The following EXOC6B variants were observed in gnomAD, a reference collection of about 807,000 sequenced individuals.
EXOC6B encodes the protein SEC15 homolog B.
In EXOC6B, 54 loss-of-function variants were observed where a neutral mutation model predicts 113.5. The ratio of observed to expected loss-of-function variants is 0.48; its 90% CI spans 0.38 to 0.60. The LOEUF (loss-of-function observed/expected upper bound fraction) is 0.60, where lower values mean the gene tolerates loss of function less well. Ranked by LOEUF, EXOC6B falls within the 20% of genes least tolerant of loss-of-function variation. The pLI is 0.00. For synonymous variants in EXOC6B, 357 were observed against 339.0 expected, an observed-to-expected ratio of 1.05 and a Z score of -0.58; for missense variants, 797 against 977.5, an observed-to-expected ratio of 0.82 and a Z score of 2.46.
Position 72,721,364 on chromosome 2 carries a change from TAAAAAAAAAAAA to T in EXOC6B, c.465-3069_465-3058del, listed in dbSNP as rs11408155. Among the ~76,000 whole-genome samples, 31 of 28,498 alleles carry T rather than the reference TAAAAAAAAAAAA, an allele frequency of 1.1e-3. 1 individual carries two copies. The highest frequency in any genetic ancestry group is 0.033 in the Middle Eastern group (1 of 30). 18.7% of individuals were successfully genotyped at this position (28,498 alleles called of 152,430 possible). A position where few individuals can be genotyped will look rare whatever the true frequency, so the allele number is the denominator to read the frequency against. ...GGTTAATAAACTTGAGTTGTTTTTGTAAAAAAAAAAAAAAAAAAAAAAAATGAACAAAGAAAA... is the reference window on the plus strand; with the variant it reads ...GGTTAATAAACTTGAGTTGTTTTTGTAAAAAAAAAAAATGAACAAAGAAAA... On this transcript the variant is annotated intron_variant, in intron 5 of 21. Coordinates refer to ENST00000272427, the MANE Select transcript of EXOC6B (RefSeq NM_015189.3).
chr2:72,461,011 T>C (rs1238951324), intron 18 of EXOC6B, among the ~76,000 whole-genome samples: 1 of 151,664 alleles, frequency 6.6e-6, no homozygotes, highest in Non-Finnish European at 1.5e-5. Context: ...ATATACACCA[T>C]AGAATACTAT....
At chr2:72,261,377 AG>A (rs1350386209) in intron 20 of EXOC6B, among the ~76,000 whole-genome samples, 2 of 152,208 alleles carry the variant, frequency 1.3e-5, no homozygotes, top group Admixed American at 6.5e-5. Flanking sequence ...TTTAAAGAAA[AG>A]TTTGTTTAAA....
At chr2:72,806,400 G>T (rs559158268) in intron 1 of EXOC6B, among the ~76,000 whole-genome samples, 1 of 152,276 alleles carries the variant, frequency 6.6e-6, no homozygotes, top group South Asian at 2.1e-4. Flanking sequence ...TGGTGTACAT[G>T]TACCACCTTT....
chr2:72,619,244 A>G (rs182488181), intron 6 of EXOC6B, among the ~76,000 whole-genome samples: 96 of 152,240 alleles, frequency 6.3e-4, no homozygotes, highest in Admixed American at 1.6e-3. Context: ...ACCAACATAG[A>G]TCACATCTTC....
intron 1 of EXOC6B, among the ~76,000 whole-genome samples, chr2:72,762,321 G>A (rs1682791992): frequency 6.7e-6 from 1 of 149,334 alleles, no homozygotes; most frequent in Non-Finnish European, 1.5e-5. Flanking sequence ...ACACTTAGGT[G>A]ATATAGCATG....
intron 18 of EXOC6B, among the ~76,000 whole-genome samples, chr2:72,422,744 C>T (rs1694971290): frequency 6.6e-6 from 1 of 152,148 alleles, no homozygotes; most frequent in Admixed American, 6.5e-5. Flanking sequence ...TTTGTGAGTG[C>T]ACCAATCGAC....
chr2:72,456,917 G>GT (rs1558685118), intron 18 of EXOC6B, among the ~76,000 whole-genome samples: 1 of 151,922 alleles, frequency 6.6e-6, no homozygotes, highest in African/African-American at 2.4e-5. Context: ...CTCATAGAAG[G>GT]TGTGGTCCTT....
chr2:72,497,777 C>CAATAGGTCTTGCA (rs1374251335), intron 13 of EXOC6B, among the ~76,000 whole-genome samples: 5 of 152,040 alleles, frequency 3.3e-5, no homozygotes, highest in Non-Finnish European at 7.4e-5. Flanking sequence ...CAATAGGCAG[C>CAATAGGTCTTGCA]ATAATCACTT....
chr2:72,260,932 C>A lies in EXOC6B; in HGVS notation c.2196+74015G>T, dbSNP rs142202183. On this transcript the variant is annotated intron_variant, in intron 20 of 21. Transcript: ENST00000272427. ...TAGAACAACTATAATTCTGGTTACTCTGCATGTGTCTGTTGCATGACATCT... is the reference window on the plus strand; with the variant it reads ...TAGAACAACTATAATTCTGGTTACTATGCATGTGTCTGTTGCATGACATCT... Among the ~76,000 whole-genome samples the A allele has an allele frequency of 5.3e-3, 813 of 152,278 alleles. 20 individuals carry two copies. Among genetic ancestry groups the A allele is most frequent in the Admixed American group, 0.048 (736 of 15,282 alleles).
chr2:72,716,552 A>G (rs969229814), intron 6 of EXOC6B, among the ~76,000 whole-genome samples: 1 of 152,186 alleles, frequency 6.6e-6, no homozygotes, highest in Admixed American at 6.5e-5. Flanking sequence ...CTGGATTCAC[A>G]AAAGATTTCT....
chr2:72,283,072 T>C (rs1193478995), intron 20 of EXOC6B, among the ~76,000 whole-genome samples: 1 of 152,172 alleles, frequency 6.6e-6, no homozygotes, highest in Non-Finnish European at 1.5e-5. Context: ...AATTGATGTC[T>C]ATAGAACACT....
At chr2:72,540,351 A>G (rs1174812885) in intron 8 of EXOC6B, among the ~76,000 whole-genome samples, 1 of 152,186 alleles carries the variant, frequency 6.6e-6, no homozygotes, top group Non-Finnish European at 1.5e-5. Context: ...AATTATAAGG[A>G]GAGTACCAAA....
chr2:72,370,231 C>T (rs1274164486), intron 19 of EXOC6B, among the ~76,000 whole-genome samples: 2 of 152,192 alleles, frequency 1.3e-5, no homozygotes, highest in Admixed American at 6.5e-5. Flanking sequence ...CAAAAGAAGA[C>T]ATTGATGCAG....
chr2:72,471,639 T>C (rs991603103), intron 17 of EXOC6B, among the ~76,000 whole-genome samples: 1 of 152,202 alleles, frequency 6.6e-6, no homozygotes, highest in African/African-American at 2.4e-5. Flanking sequence ...AAAGATCGTA[T>C]CATCAGCAAA....
At chr2:72,336,625 G>C (rs144301704) in intron 19 of EXOC6B, among the ~76,000 whole-genome samples, 1 of 152,042 alleles carries the variant, frequency 6.6e-6, no homozygotes, top group Non-Finnish European at 1.5e-5. Flanking sequence ...CAGTACTAAA[G>C]TTTCTATTTG....
At chr2:72,736,290 C>A (rs1437040615) in intron 2 of EXOC6B, among the ~76,000 whole-genome samples, 1 of 151,866 alleles carries the variant, frequency 6.6e-6, no homozygotes, top group Non-Finnish European at 1.5e-5. Flanking sequence ...TATGTATACA[C>A]TGAGAATCAA....
intron 6 of EXOC6B, among the ~76,000 whole-genome samples, chr2:72,667,317 T>G (rs1183568114): frequency 6.6e-6 from 1 of 152,206 alleles, no homozygotes; most frequent in Non-Finnish European, 1.5e-5. Context: ...AATTTACAGA[T>G]TCAACACTAT....
intron 20 of EXOC6B, among the ~76,000 whole-genome samples, chr2:72,247,635 G>A (rs759504520): frequency 1.9e-4 from 29 of 152,108 alleles, no homozygotes; most frequent in Non-Finnish European, 3.5e-4. Flanking sequence ...GAAACTTTTC[G>A]GCTGGCTGAA....
At chr2:72,562,984 T>C (rs890256943) in intron 7 of EXOC6B, among the ~76,000 whole-genome samples, 3 of 152,130 alleles carry the variant, frequency 2.0e-5, no homozygotes, top group African/African-American at 4.8e-5. Context: ...AATTCCCTAA[T>C]AGTTTCTGAA....
Sources: allele counts gnomAD v4.1 joint callset (sites outside exome capture counted in the v4.1 genomes callset), GRCh38; gene constraint gnomAD v4.1.1; transcripts MANE v1.5; gene names NCBI Gene and HGNC (gene_info 2026-07-23, HGNC 2026-07-21).